The following SEMA3E variants were observed in gnomAD, a reference collection of about 807,000 sequenced individuals.
SEMA3E encodes the protein semaphorin-3E.
A neutral mutation model predicts 93.6 loss-of-function variants in SEMA3E; 49 were observed. The observed-to-expected ratio is 0.52, with a 90% CI of 0.42 to 0.66. SEMA3E has a LOEUF of 0.66. SEMA3E is among the 30% of genes least tolerant of loss of function. The pLI is 0.00. For synonymous variants in SEMA3E, 363 were observed against 330.7 expected (o/e 1.10, Z -1.06); for missense variants, 906 against 964.8 (o/e 0.94, Z 0.81).
chr7:83,493,000 G>A (rs1790416040), intron 1 of SEMA3E, among the ~76,000 whole-genome samples: 4 of 151,946 alleles, frequency 2.6e-5, no homozygotes, highest in Admixed American at 1.3e-4. Context: ...GACAATAATT[G>A]CGTAGGTAAA....
chr7:83,506,078 C>T (rs1306214068), intron 1 of SEMA3E, among the ~76,000 whole-genome samples: 2 of 145,856 alleles, frequency 1.4e-5, no homozygotes, highest in African/African-American at 5.1e-5. Context: ...GTGAAGCTGT[C>T]AGAAAAAAAG....
intron 4 of SEMA3E, among the ~76,000 whole-genome samples, chr7:83,423,199 C>T (rs2713141): frequency 0.52 from 79,292 of 151,934 alleles, 22,159 homozygotes; most frequent in East Asian, 0.85. Context: ...CTGTGCAATA[C>T]GTAAATCTAC....
At chr7:83,441,874 T>C (rs537988846) in intron 4 of SEMA3E, among the ~76,000 whole-genome samples, 1 of 152,078 alleles carries the variant, frequency 6.6e-6, no homozygotes, top group Non-Finnish European at 1.5e-5. Context: ...CTGGTGAGAG[T>C]GTTTTTTGTT....
rs571533238 is a variant in SEMA3E at position 83,648,717 on chromosome 7, A to C, written c.-175T>G. 1 of 669,146 alleles carries C rather than the reference A, an allele frequency of 1.5e-6. No homozygotes were observed. Among genetic ancestry groups the C allele is most frequent in the South Asian group, 1.6e-5 (1 of 62,294 alleles). 41.5% of individuals were successfully genotyped at this position (669,146 alleles called of 1,614,324 possible). On this transcript the variant is annotated 5_prime_UTR_variant, in exon 1 of 17. Coordinates refer to ENST00000643230, the MANE Select transcript of SEMA3E (RefSeq NM_012431.3). ...GTCAGGCTGTATTTGGCTATGTAAA[A>C]CCTTTCTTTCCTCGGGACAGTTGTT...
At chr7:83,498,744 C>T (rs1158600191) in intron 1 of SEMA3E, among the ~76,000 whole-genome samples, 1 of 151,962 alleles carries the variant, frequency 6.6e-6, no homozygotes, top group African/African-American at 2.4e-5. Flanking sequence ...CTCCCAAAGT[C>T]GTGGGATTAC....
At chr7:83,576,751 G>A (rs1792414267) in intron 1 of SEMA3E, among the ~76,000 whole-genome samples, 1 of 151,888 alleles carries the variant, frequency 6.6e-6, no homozygotes, top group Admixed American at 6.6e-5. Context: ...TCAGCCTCCC[G>A]AGTAGCTGGG....
intron 1 of SEMA3E, among the ~76,000 whole-genome samples, chr7:83,617,009 G>A (rs1034018681): frequency 3.9e-5 from 6 of 152,086 alleles, no homozygotes; most frequent in African/African-American, 1.4e-4. Flanking sequence ...ACAGGCGTAA[G>A]CCACCGTGCT....
At position 83,413,454 on chromosome 7, in the gene SEMA3E, A is replaced by G. The variant is rs766989375; in HGVS notation, c.550+4936T>C. On this transcript the variant is annotated intron_variant, in intron 5 of 16. Coordinates refer to ENST00000643230, the MANE Select transcript of SEMA3E (RefSeq NM_012431.3). ...CTGCCTCACTTTATAACTGAATTTT[A>G]TAATTTTGTTAGAACATTATTCTAT... is the stretch of plus-strand genomic sequence containing the variant. Among the ~76,000 whole-genome samples the G allele has an allele frequency of 3.6e-4, 55 of 152,224 alleles. 1 individual carries two copies. The highest frequency in any genetic ancestry group is 2.4e-4 in the Non-Finnish European group (16 of 68,032).
intron 1 of SEMA3E, among the ~76,000 whole-genome samples, chr7:83,554,537 GT>G (rs5885365): frequency 4.6e-4 from 70 of 151,688 alleles, no homozygotes; most frequent in Non-Finnish European, 9.3e-4. Context: ...GATAGGGGCA[GT>G]TTTTTTTAAC....
intron 6 of SEMA3E, 31 bp downstream of exon 6, chr7:83,408,337 C>T (rs1382510793): frequency 6.2e-7 from 1 of 1,613,000 alleles, no homozygotes; most frequent in Non-Finnish European, 8.5e-7. Flanking sequence ...GATTTCAATC[C>T]TAATTCACAT....
At chr7:83,396,111 A>G (rs1239654655) in intron 12 of SEMA3E, among the ~76,000 whole-genome samples, 2 of 151,908 alleles carry the variant, frequency 1.3e-5, no homozygotes, top group African/African-American at 2.4e-5. Flanking sequence ...ACACATATAT[A>G]TGTGTATACA....
intron 16 of SEMA3E, among the ~76,000 whole-genome samples, chr7:83,383,456 T>C (rs192199026): frequency 1.3e-5 from 2 of 152,052 alleles, no homozygotes; most frequent in Admixed American, 6.6e-5. Flanking sequence ...ATTCAGCCTT[T>C]AATAAAGTCA....
chr7:83,498,031 A>G (rs996702919), intron 1 of SEMA3E, among the ~76,000 whole-genome samples: 1 of 152,188 alleles, frequency 6.6e-6, no homozygotes, highest in Admixed American at 6.5e-5. Context: ...ATTAAGATGA[A>G]GACATTCATG....
intron 4 of SEMA3E, among the ~76,000 whole-genome samples, chr7:83,445,889 T>G (rs1789218193): frequency 1.3e-5 from 2 of 152,150 alleles, no homozygotes; most frequent in Admixed American, 6.5e-5. Context: ...ATTTGCCTTT[T>G]TAAATAGGAG....
intron 1 of SEMA3E, among the ~76,000 whole-genome samples, chr7:83,569,145 A>T (rs1340585771): frequency 2.0e-5 from 1 of 49,732 alleles, no homozygotes; most frequent in Non-Finnish European, 3.4e-5. Flanking sequence ...ATAGCTACAA[A>T]AAAAAAAAAA....
chr7:83,565,432 C>A (rs926252037), intron 1 of SEMA3E, among the ~76,000 whole-genome samples: 1 of 151,908 alleles, frequency 6.6e-6, no homozygotes, highest in African/African-American at 2.4e-5. Context: ...GAGGATGGGT[C>A]AATAGGTGCA....
chr7:83,518,096 C>T (rs1236976163), intron 1 of SEMA3E, among the ~76,000 whole-genome samples: 1 of 151,396 alleles, frequency 6.6e-6, no homozygotes, highest in East Asian at 1.9e-4. Flanking sequence ...TGTGAAGTCC[C>T]TGCTTTTCTT....
intron 1 of SEMA3E, among the ~76,000 whole-genome samples, chr7:83,573,429 G>A (rs1792328161): frequency 1.3e-5 from 2 of 151,832 alleles, no homozygotes; most frequent in Admixed American, 6.6e-5. Flanking sequence ...ATATACAAAT[G>A]TATAATTTGT....
At chr7:83,518,020 C>T (rs753337197) in intron 1 of SEMA3E, among the ~76,000 whole-genome samples, 1 of 152,074 alleles carries the variant, frequency 6.6e-6, no homozygotes, top group Non-Finnish European at 1.5e-5. Flanking sequence ...TTATTTCCAT[C>T]AGAGACAGGT....
Sources: gnomAD v4.1 joint callset for allele counts (sites outside exome capture counted in the v4.1 genomes callset) on GRCh38, gnomAD v4.1.1 for gene constraint, MANE v1.5 for transcripts, NCBI Gene and HGNC (gene_info 2026-07-23, HGNC 2026-07-21) for gene names.